MYOM2: variants seen among roughly 807,000 people sequenced by gnomAD.
MYOM2 encodes myomesin 2.
MYOM2 carries 254 observed loss-of-function variants against 187.6 expected under a neutral mutation model. The ratio of observed to expected loss-of-function variants is 1.35; its 90% CI spans 1.22 to 1.50. The LOEUF (loss-of-function observed/expected upper bound fraction) is 1.50. MYOM2 is among the 40% of genes most tolerant of loss of function. The pLI is 0.00. For missense variants in MYOM2, 2,796 were observed against 1,924.0 expected, an observed-to-expected ratio of 1.45 and a Z score of -8.48; for synonymous variants, 981 against 753.8, an observed-to-expected ratio of 1.30 and a Z score of -4.94.
chr8:2,080,287 C>T (rs934135775), intron 13 of MYOM2, among the ~76,000 whole-genome samples: 5 of 152,216 alleles, frequency 3.3e-5, no homozygotes, highest in South Asian at 2.1e-4. Context: ...TTGAGCTGCT[C>T]GCTAAAATCA....
Position 2,078,939 on chromosome 8 carries a change from C to T in MYOM2, c.1462+6C>T. On this transcript the variant is annotated splice_donor_region_variant and intron_variant, in intron 12 of 36. Transcript: ENST00000262113. ...GGACCTCAGAAGGTTACAAGGTAAG[C>T]TGCTCACGCCTAAGTATCCACTGTG... 1 of 1,613,084 alleles carries T rather than the reference C, an allele frequency of 6.2e-7. No individual in the cohort carries two copies. The highest frequency in any genetic ancestry group is 2.2e-5 in the East Asian group (1 of 44,864).
intron 3 of MYOM2, among the ~76,000 whole-genome samples, chr8:2,053,167 T>G (rs1438816956): frequency 4.6e-5 from 7 of 152,242 alleles, no homozygotes; most frequent in African/African-American, 1.2e-4. Context: ...TAAACATCTT[T>G]CATTTTGAAA....
At chr8:2,045,349 C>A (rs1585804434) in intron 1 of MYOM2, among the ~76,000 whole-genome samples, 181 bp downstream of exon 1, 1 of 152,202 alleles carries the variant, frequency 6.6e-6, no homozygotes, top group Admixed American at 6.5e-5. Context: ...ATCTGTATTT[C>A]TTTGACGAGG....
intron 3 of MYOM2, among the ~76,000 whole-genome samples, chr8:2,052,913 G>C (rs1818540429): frequency 6.6e-6 from 1 of 152,312 alleles, no homozygotes; most frequent in Non-Finnish European, 1.5e-5. Context: ...GCAGCTCGTG[G>C]GGTGAAATGT....
intron 11 of MYOM2, among the ~76,000 whole-genome samples, chr8:2,077,314 A>G (rs1338730653): frequency 6.6e-5 from 10 of 152,296 alleles, no homozygotes; most frequent in African/African-American, 2.2e-4. Context: ...ACCATCAAAA[A>G]AAACAAAACA....
chr8:2,045,334 C>T (rs1417242126), intron 1 of MYOM2, among the ~76,000 whole-genome samples, 166 bp downstream of exon 1: 1 of 152,208 alleles, frequency 6.6e-6, no homozygotes, highest in Non-Finnish European at 1.5e-5. Flanking sequence ...GCAATTAGTT[C>T]TGGGATCTGT....
intron 12 of MYOM2, 120 bp downstream of exon 12, chr8:2,079,053 G>T (rs1819532656): frequency 3.3e-6 from 3 of 906,100 alleles, no homozygotes; most frequent in Non-Finnish European, 5.2e-6. Flanking sequence ...TGTGTGCAGA[G>T]CATAGCACAG....
In MYOM2 at chr8:2,124,544, G is replaced by A. The variant is rs192504085; in HGVS notation, c.3694+327G>A. Reference sequence around the variant, plus strand: ...AGCAGCTTTTTACATATGTTGAATAGCCGTAATGAATTTTTAAACCTCTCA... The same window carrying A: ...AGCAGCTTTTTACATATGTTGAATAACCGTAATGAATTTTTAAACCTCTCA... On this transcript the variant is annotated intron_variant, in intron 31 of 36. Coordinates refer to ENST00000262113, the MANE Select transcript of MYOM2 (RefSeq NM_003970.4). Among the ~76,000 whole-genome samples the A allele has an allele frequency of 7.9e-5, 12 of 152,318 alleles. No individual in the cohort carries two copies. In the East Asian group the frequency reaches 2.3e-3, roughly 29 times the overall value.
rs78321219 is a variant in MYOM2, at chr8:2,055,671, A to T, written c.264-1677A>T. Among the ~76,000 whole-genome samples, 710 of 152,278 alleles carry T rather than the reference A, an allele frequency of 4.7e-3. 8 individuals carry two copies. Among genetic ancestry groups the T allele is most frequent in the African/African-American group, 0.016 (684 of 41,548 alleles). On this transcript the variant is annotated intron_variant, in intron 3 of 36. Coordinates refer to ENST00000262113, the MANE Select transcript of MYOM2 (RefSeq NM_003970.4). ...TGATTGCGAACTTCCCAAATGCCTA[A>T]CACCAGGCCTTAGTCTTAATCGCTG...
In MYOM2 at chr8:2,102,652, C is replaced by T. The variant is rs772738763; in HGVS notation, c.2620-15C>T. ...TTTACCTCCACACATCTGGTGTTTC[C>T]TCTGTTGTTTCAAGGTCTCTGACCT... On this transcript the variant is annotated splice_polypyrimidine_tract_variant and intron_variant, in intron 20 of 36. Coordinates refer to ENST00000262113, the MANE Select transcript of MYOM2 (RefSeq NM_003970.4). The T allele has an allele frequency of 3.8e-6, 6 of 1,576,510 alleles. No individual in the cohort carries two copies. Among genetic ancestry groups the T allele is most frequent in the South Asian group, 3.4e-5 (3 of 89,450 alleles).
In MYOM2 at chr8:2,057,713, G is replaced by A. The variant is rs200247570; in HGVS notation, c.493G>A (p.Val165Ile). The change falls in exon 5 of 37, where the codon GTC (valine) becomes ATC (isoleucine). Residue 165 changes from valine to isoleucine, a missense_variant. Transcript: ENST00000262113. ...CCTGGTGCGGCTGCGATCCCACACC[G>A]TCTGGGAGAGGATGTCTGTGAAACT... ...EILVRLRSHT[V>I]WERMSVKLCF... 7.6e-5 allele frequency: 123 copies of A among 1,613,994 alleles called. 1 individual carries two copies. The highest frequency in any genetic ancestry group is 4.3e-4 in the South Asian group (39 of 91,090).
At chr8:2,096,629 G>C (rs1252166119) in intron 18 of MYOM2, among the ~76,000 whole-genome samples, 195 bp downstream of exon 18, 2 of 152,212 alleles carry the variant, frequency 1.3e-5, no homozygotes, top group Non-Finnish European at 2.9e-5. Context: ...CTGAGAAGCA[G>C]TGAAGAAGGG....
At chr8:2,142,205 A>G (rs1034929543) in intron 34 of MYOM2, among the ~76,000 whole-genome samples, 170 bp from the exon 35 acceptor site, 7 of 152,150 alleles carry the variant, frequency 4.6e-5, no homozygotes, top group Admixed American at 4.6e-4. Context: ...AAAATCAGTG[A>G]TATCCATCCT....
intron 28 of MYOM2, among the ~76,000 whole-genome samples, chr8:2,123,013 A>C (rs1031804007): frequency 6.6e-6 from 1 of 152,208 alleles, no homozygotes; most frequent in Non-Finnish European, 1.5e-5. Flanking sequence ...AATGACGAGA[A>C]TCATTTGTCC....
Position 2,106,369 on chromosome 8 carries a change from G to T in MYOM2, c.2862G>T (p.Glu954Asp). Residue 954 changes from glutamate to aspartate, a missense_variant, in exon 22 of 37, where the codon GAG (glutamate) becomes GAT (aspartate). Glu to Asp is a conservative substitution (Grantham distance 45, BLOSUM62 2). Coordinates refer to ENST00000262113, the MANE Select transcript of MYOM2 (RefSeq NM_003970.4). ...CKSYEEISDDERFKIETVGDH... is the reference protein window; with the variant it reads ...CKSYEEISDDDRFKIETVGDH... ...CCTACGAGGAGATTTCAGATGATGA[G>T]AGGTTTAAAATTGAAACCGTGGGGG... is the stretch of plus-strand genomic sequence containing the variant. 6.2e-7 allele frequency: 1 copy of T among 1,614,170 alleles called. No homozygotes were observed. Among genetic ancestry groups the T allele is most frequent in the Non-Finnish European group, 8.5e-7 (1 of 1,180,018 alleles).
intron 13 of MYOM2, among the ~76,000 whole-genome samples, chr8:2,079,991 T>C (rs778098096): frequency 2.0e-5 from 3 of 152,252 alleles, no homozygotes; most frequent in Non-Finnish European, 4.4e-5. Flanking sequence ...TTTTACATTT[T>C]CTAAGCAAAA....
In MYOM2 at chr8:2,099,056, C is replaced by A; in HGVS notation, c.2440+73C>A. On this transcript the variant is annotated intron_variant, in intron 19 of 36. Coordinates refer to ENST00000262113, the MANE Select transcript of MYOM2 (RefSeq NM_003970.4). ...TGGGAAGGGGCCTCTGTGGCTGCGACTCTGGACTCGCCAGCCTTCACAGCG... is the reference window on the plus strand; with the variant it reads ...TGGGAAGGGGCCTCTGTGGCTGCGAATCTGGACTCGCCAGCCTTCACAGCG... The A allele has an allele frequency of 2.0e-6, 3 of 1,480,534 alleles. No homozygotes were observed. In the South Asian group the frequency reaches 4.0e-5, roughly 20 times the overall value. 91.7% of individuals were successfully genotyped at this position (1,480,534 alleles called of 1,614,324 possible).
chr8:2,109,182 C>G, intron 24 of MYOM2: 1 of 554,692 alleles, frequency 1.8e-6, no homozygotes, highest in Non-Finnish European at 3.1e-6. Context: ...ATTTGCAAAG[C>G]TAACTGAGAA....
chr8:2,131,265 C>A (rs918779667), intron 32 of MYOM2, among the ~76,000 whole-genome samples: 7 of 152,018 alleles, frequency 4.6e-5, no homozygotes, highest in Admixed American at 1.3e-4. Context: ...TCACAAATAC[C>A]CTGTGAGTTA....
Sources: allele counts gnomAD v4.1 joint callset (sites outside exome capture counted in the v4.1 genomes callset), GRCh38; gene constraint gnomAD v4.1.1; transcripts MANE v1.5; gene names NCBI Gene and HGNC (gene_info 2026-07-23, HGNC 2026-07-21).